ATG7: variants seen among roughly 807,000 people sequenced by gnomAD.
ATG7 encodes the protein ubiquitin-like modifier-activating enzyme ATG7.
ATG7 carries 70 observed loss-of-function variants against 82.4 expected under a neutral mutation model. The ratio of observed to expected loss-of-function variants is 0.85; its 90% CI spans 0.70 to 1.04. The LOEUF is 1.04. ATG7 is among the 50% of genes least tolerant of loss of function. The pLI, the probability that ATG7 is intolerant of heterozygous loss-of-function variation, is 0.00. For synonymous variants in ATG7, 287 were observed against 313.0 expected, an observed-to-expected ratio of 0.92 and a Z score of 0.88; for missense variants, 792 against 864.3, an observed-to-expected ratio of 0.92 and a Z score of 1.05.
intron 19 of ATG7, among the ~76,000 whole-genome samples, chr3:11,404,043 A>G (rs1357899331): frequency 6.6e-6 from 1 of 152,006 alleles, no homozygotes; most frequent in Non-Finnish European, 1.5e-5. Flanking sequence ...ACAATAGTAT[A>G]ATCTCAAATA....
At chr3:11,433,736 A>T (rs1260427238) in intron 20 of ATG7, among the ~76,000 whole-genome samples, 1 of 152,200 alleles carries the variant, frequency 6.6e-6, no homozygotes, top group Admixed American at 6.5e-5. Context: ...ATGTTGTACC[A>T]TGCAGTTATG....
chr3:11,372,843 TGC>T (rs1273222047), intron 18 of ATG7, among the ~76,000 whole-genome samples: 16 of 112,096 alleles, frequency 1.4e-4, no homozygotes, highest in African/African-American at 2.0e-4. Flanking sequence ...TGTGCGTGCG[TGC>T]GTGTGCGTGT....
intron 20 of ATG7, among the ~76,000 whole-genome samples, chr3:11,504,617 G>C (rs776328977): frequency 4.6e-5 from 7 of 152,224 alleles, no homozygotes; most frequent in Non-Finnish European, 8.8e-5. Flanking sequence ...GAAATGGCTT[G>C]AATACCTAAT....
chr3:11,343,357 T>C (rs140889016), intron 13 of ATG7, among the ~76,000 whole-genome samples: 1 of 152,352 alleles, frequency 6.6e-6, no homozygotes, highest in East Asian at 1.9e-4. Flanking sequence ...GTAACATTTA[T>C]TGTTTGAATT....
At chr3:11,459,926 G>T (rs1378350045) in intron 20 of ATG7, among the ~76,000 whole-genome samples, 1 of 152,188 alleles carries the variant, frequency 6.6e-6, no homozygotes, top group East Asian at 1.9e-4. Flanking sequence ...CAAGAGCCCT[G>T]TGTGTTAGGA....
intron 20 of ATG7, among the ~76,000 whole-genome samples, chr3:11,469,746 GA>G (rs1257000841): frequency 1.3e-5 from 2 of 151,876 alleles, no homozygotes; most frequent in Admixed American, 1.3e-4. Flanking sequence ...AGCACTTTGG[GA>G]GGCTGAGGCG....
intron 20 of ATG7, among the ~76,000 whole-genome samples, chr3:11,479,444 G>A (rs927316804): frequency 6.6e-6 from 1 of 152,256 alleles, no homozygotes; most frequent in Non-Finnish European, 1.5e-5. Flanking sequence ...AGAGCCTGGT[G>A]CCAGCACAAA....
intron 20 of ATG7, among the ~76,000 whole-genome samples, chr3:11,450,108 A>G (rs765479468): frequency 2.8e-4 from 42 of 152,346 alleles, no homozygotes; most frequent in Non-Finnish European, 3.5e-4. Context: ...TGTTCCATAC[A>G]TTGTACTAAG....
chr3:11,331,495 G>A lies in ATG7; in HGVS notation c.767+67G>A. The A allele has an allele frequency of 3.2e-6, 4 of 1,261,696 alleles. No homozygotes were observed. The South Asian group carries it at 3.7e-5, about 12-fold the overall frequency. The allele number at this position is 1,261,696 out of a possible 1,614,324, so 78.2% of individuals were successfully genotyped here. A position where few individuals can be genotyped will look rare whatever the true frequency, so the allele number is the denominator to read the frequency against. On this transcript the variant is annotated intron_variant, in intron 10 of 20. Coordinates refer to ENST00000693202, the MANE Select transcript of ATG7 (RefSeq NM_001349232.2). ...CCAGTATATGTTTTACAATGTGTCT[G>A]TTTCTATTTGTATCTCTGTTTTCCT...
At chr3:11,446,601 TGA>T in intron 20 of ATG7, 3 of 384,290 alleles carry the variant, frequency 7.8e-6, no homozygotes, top group South Asian at 5.8e-5. Flanking sequence ...TTTAAAAGAA[TGA>T]GGCACATGAT....
In ATG7 at chr3:11,547,205, T is replaced by A. The variant is rs929468730; in HGVS notation, c.2080-7606T>A. ...GTGAGAGAAAGTGGAAAAGGCCTCT[T>A]CCTTCGCCCTTGCTAGCTTGGTCTC... On this transcript the variant is annotated intron_variant, in intron 20 of 20. Coordinates refer to ENST00000693202, the MANE Select transcript of ATG7 (RefSeq NM_001349232.2). Among the ~76,000 whole-genome samples the A allele has an allele frequency of 3.3e-5, 5 of 152,346 alleles. No homozygotes were observed. The South Asian group carries it at 1.0e-3, about 32-fold the overall frequency.
At chr3:11,283,662 C>T (rs2152648307) in intron 3 of ATG7, among the ~76,000 whole-genome samples, 1 of 152,202 alleles carries the variant, frequency 6.6e-6, no homozygotes, top group African/African-American at 2.4e-5. Context: ...TTGTGGTGGA[C>T]ATGGTGGCTC....
chr3:11,425,390 G>GA (rs1033549459), intron 19 of ATG7, among the ~76,000 whole-genome samples: 1 of 151,940 alleles, frequency 6.6e-6, no homozygotes, highest in Admixed American at 6.6e-5. Flanking sequence ...CTTCTGAAAA[G>GA]AAAAAAAATC....
At chr3:11,469,336 C>T (rs1302609059) in intron 20 of ATG7, among the ~76,000 whole-genome samples, 3 of 152,080 alleles carry the variant, frequency 2.0e-5, no homozygotes, top group African/African-American at 7.2e-5. Context: ...GTGATCCCAG[C>T]TACTTGGGGG....
At chr3:11,406,786 A>G (rs2080385691) in intron 19 of ATG7, among the ~76,000 whole-genome samples, 1 of 152,036 alleles carries the variant, frequency 6.6e-6, no homozygotes, top group African/African-American at 2.4e-5. Flanking sequence ...ATCTCATAAG[A>G]CCCATTAACC....
intron 19 of ATG7, among the ~76,000 whole-genome samples, chr3:11,395,357 CAAATG>C (rs2079125822): frequency 1.3e-5 from 2 of 151,902 alleles, no homozygotes; most frequent in African/African-American, 4.8e-5. Flanking sequence ...TTTTTTGAAA[CAAATG>C]AAAAACCTGA....
intron 19 of ATG7, among the ~76,000 whole-genome samples, chr3:11,405,403 A>G (rs892215183): frequency 6.6e-6 from 1 of 152,110 alleles, no homozygotes; most frequent in African/African-American, 2.4e-5. Context: ...TGAAATGCCA[A>G]AAAGCTTATT....
At chr3:11,545,721 G>A (rs1182268027) in intron 20 of ATG7, among the ~76,000 whole-genome samples, 1 of 152,070 alleles carries the variant, frequency 6.6e-6, no homozygotes, top group East Asian at 1.9e-4. Flanking sequence ...TCTGTTGTCA[G>A]CCCCCCTGGC....
chr3:11,364,626 A>C (rs2076479995), intron 17 of ATG7, 33 bp from the exon 18 acceptor site: 1 of 1,608,406 alleles, frequency 6.2e-7, no homozygotes, highest in African/African-American at 1.3e-5. Context: ...AACTTGGATT[A>C]AATGAGCAGC....
Sources: gnomAD v4.1 joint callset for allele counts (sites outside exome capture counted in the v4.1 genomes callset) on GRCh38, gnomAD v4.1.1 for gene constraint, MANE v1.5 for transcripts, NCBI Gene and HGNC (gene_info 2026-07-23, HGNC 2026-07-21) for gene names.